LYPD6: variants seen among roughly 807,000 people sequenced by gnomAD.
The protein encoded by LYPD6 is ly6/PLAUR domain-containing protein 6.
Under a neutral mutation model 22.7 loss-of-function variants are expected in LYPD6, and 15 were observed. The observed-to-expected ratio is 0.66, with a 90% CI of 0.44 to 1.02. The LOEUF is 1.02. Ranked by LOEUF, LYPD6 falls within the 50% of genes least tolerant of loss-of-function variation. The pLI, the probability that LYPD6 is intolerant of heterozygous loss-of-function variation, is 0.00. For synonymous variants in LYPD6, 72 were observed against 77.5 expected (o/e 0.93, Z 0.37); for missense variants, 189 against 208.4 (o/e 0.91, Z 0.57).
chr2:149,432,311 G>C (rs139943809), intron 1 of LYPD6, among the ~76,000 whole-genome samples: 5 of 152,292 alleles, frequency 3.3e-5, no homozygotes, highest in Non-Finnish European at 7.4e-5. Context: ...AATGTTAGCA[G>C]CAGTATTCAC....
intron 1 of LYPD6, among the ~76,000 whole-genome samples, chr2:149,401,273 C>T (rs1682549296): frequency 6.6e-6 from 1 of 152,172 alleles, no homozygotes; most frequent in Non-Finnish European, 1.5e-5. Flanking sequence ...CACATGACCA[C>T]CTGTATGGAA....
the LYPD6 span, among the ~76,000 whole-genome samples, chr2:149,485,863 C>T: frequency 6.6e-6 from 1 of 152,150 alleles, no homozygotes; most frequent in Non-Finnish European, 1.5e-5. Flanking sequence ...CCAGGTTCTG[C>T]AGGCAAAGAC....
At chr2:149,363,308 A>G (rs1001112016) in intron 1 of LYPD6, among the ~76,000 whole-genome samples, 2 of 152,186 alleles carry the variant, frequency 1.3e-5, no homozygotes, top group African/African-American at 4.8e-5. Flanking sequence ...GTCAACATTT[A>G]TACTTGATCT....
rs558539092 is a variant in LYPD6 at position 149,400,248 on chromosome 2, C to T, written c.-71-37390C>T. Among the ~76,000 whole-genome samples the T allele has an allele frequency of 3.3e-5, 5 of 152,244 alleles. No homozygotes were observed. The East Asian group carries it at 9.6e-4, about 29-fold the overall frequency. On this transcript the variant is annotated intron_variant, in intron 1 of 4. Coordinates refer to ENST00000334166, the MANE Select transcript of LYPD6 (RefSeq NM_194317.5). Reference sequence around the variant, plus strand: ...CACTTATTCTACCCTCCTGGGTTACCCAGCTCTTACCATTCTTATAGGGGG... The same window carrying T: ...CACTTATTCTACCCTCCTGGGTTACTCAGCTCTTACCATTCTTATAGGGGG...
the LYPD6 span, among the ~76,000 whole-genome samples, chr2:149,480,950 T>C: frequency 6.6e-6 from 1 of 152,320 alleles, no homozygotes; most frequent in South Asian, 2.1e-4. Flanking sequence ...GGCTGTGGCT[T>C]CACTGAAACT....
chr2:149,468,736 A>T lies in LYPD6; in HGVS notation c.309A>T (p.Leu103Phe). ...GCTGTGTCCCACTGGAAGAGTGCTT[A>T]TCCACTGGCTGCAGAGACTCCGAGC... Reference protein sequence around the residue: ...TKRCVPLEECLSTGCRDSEHE... With the variant: ...TKRCVPLEECFSTGCRDSEHE... Residue 103 changes from leucine (L) to phenylalanine (F), a missense_variant, in exon 4 of 5, where the codon TTA (leucine) becomes TTT (phenylalanine). Physicochemically the swap from Leu to Phe is conservative, Grantham distance 22. Coordinates refer to ENST00000334166, the MANE Select transcript of LYPD6 (RefSeq NM_194317.5). 1 of 1,613,698 alleles carries T rather than the reference A, an allele frequency of 6.2e-7. No homozygotes were observed.
At chr2:149,336,977 A>T (rs1259941117) in intron 1 of LYPD6, among the ~76,000 whole-genome samples, 1 of 149,534 alleles carries the variant, frequency 6.7e-6, no homozygotes, top group Non-Finnish European at 1.5e-5. Context: ...TTAGGAAAAA[A>T]TGTGGTTGAT....
chr2:149,349,974 A>G (rs1278843532), intron 1 of LYPD6, among the ~76,000 whole-genome samples: 8 of 152,218 alleles, frequency 5.3e-5, no homozygotes, highest in Admixed American at 1.3e-4. Context: ...TATGTTACCT[A>G]GAGGCAGATT....
rs150060836 is a variant in LYPD6 at position 149,415,974 on chromosome 2, G to A, written c.-71-21664G>A. 7.8e-3 allele frequency among the ~76,000 whole-genome samples: 1,183 copies of A among 152,252 alleles called. 7 individuals carry two copies. The highest frequency in any genetic ancestry group is 0.027 in the African/African-American group (1,142 of 41,550). ...TAGGATTATAGGCAGGAGTCACCATGCCCAGCCTAACCTGTAATTCTAAGA... is the reference window on the plus strand; with the variant it reads ...TAGGATTATAGGCAGGAGTCACCATACCCAGCCTAACCTGTAATTCTAAGA... On this transcript the variant is annotated intron_variant, in intron 1 of 4. Coordinates refer to ENST00000334166, the MANE Select transcript of LYPD6 (RefSeq NM_194317.5).
intron 1 of LYPD6, among the ~76,000 whole-genome samples, chr2:149,391,008 A>G (rs752030330): frequency 2.0e-5 from 3 of 152,218 alleles, no homozygotes; most frequent in Non-Finnish European, 2.9e-5. Context: ...AGGTGGAATC[A>G]GTGTTATTGT....
intron 4 of LYPD6, among the ~76,000 whole-genome samples, chr2:149,469,641 T>C (rs1681285683): frequency 6.6e-6 from 1 of 152,164 alleles, no homozygotes; most frequent in African/African-American, 2.4e-5. Flanking sequence ...ATAATCTGCC[T>C]ATTCTGCTCC....
chr2:149,383,108 C>G (rs1682104599), intron 1 of LYPD6, among the ~76,000 whole-genome samples: 1 of 152,036 alleles, frequency 6.6e-6, no homozygotes, highest in Non-Finnish European at 1.5e-5. Context: ...AATTCAGTGG[C>G]ATTAATTAAT....
chr2:149,435,411 C>G (rs1210057833), intron 1 of LYPD6, among the ~76,000 whole-genome samples: 1 of 152,196 alleles, frequency 6.6e-6, no homozygotes, highest in Non-Finnish European at 1.5e-5. Context: ...TGATCTCTGA[C>G]TCTCAAACTG....
chr2:149,402,455 A>T (rs1267741734), intron 1 of LYPD6, among the ~76,000 whole-genome samples: 1 of 152,130 alleles, frequency 6.6e-6, no homozygotes, highest in Non-Finnish European at 1.5e-5. Context: ...TCACTTAGGA[A>T]TCTCCACACT....
intron 3 of LYPD6, chr2:149,464,206 A>G: frequency 2.6e-6 from 1 of 377,680 alleles, no homozygotes; most frequent in South Asian, 2.1e-5. Context: ...CAAATGAGAA[A>G]GTTAAGAAGG....
intron 1 of LYPD6, among the ~76,000 whole-genome samples, chr2:149,379,176 G>GA (rs1351728149): frequency 1.3e-5 from 2 of 152,076 alleles, no homozygotes; most frequent in Non-Finnish European, 2.9e-5. Flanking sequence ...CTAGAGGCTA[G>GA]AAAAAAACAG....
At chr2:149,482,442 T>C in the LYPD6 span, among the ~76,000 whole-genome samples, 38 of 152,318 alleles carry the variant, frequency 2.5e-4, no homozygotes, top group South Asian at 3.1e-3. Flanking sequence ...AAGGTAGTTA[T>C]TATGGAGGAA....
downstream of LYPD6, among the ~76,000 whole-genome samples, chr2:149,478,001 A>G (rs925227194): frequency 2.6e-5 from 4 of 152,148 alleles, no homozygotes; most frequent in African/African-American, 7.2e-5. Flanking sequence ...ATTGGTCTTC[A>G]CTAAGGCTGC....
chr2:149,452,530 C>G (rs1449639472), intron 3 of LYPD6, among the ~76,000 whole-genome samples: 1 of 152,156 alleles, frequency 6.6e-6, no homozygotes, highest in African/African-American at 2.4e-5. Context: ...TATGGAAATT[C>G]TAAGACATTC....
Sources: gnomAD v4.1 joint callset for allele counts (sites outside exome capture counted in the v4.1 genomes callset) on GRCh38, gnomAD v4.1.1 for gene constraint, MANE v1.5 for transcripts, NCBI Gene and HGNC (gene_info 2026-07-23, HGNC 2026-07-21) for gene names.